Variants in SHCBP1L observed in about 807,000 individuals in gnomAD.
The protein encoded by SHCBP1L is testicular spindle-associated protein SHCBP1L.
Under a neutral mutation model 62.5 loss-of-function variants are expected in SHCBP1L, and 67 were observed. The observed-to-expected ratio is 1.07, with a 90% confidence interval of 0.88 to 1.31. The LOEUF is 1.31. Among genes scored for constraint, SHCBP1L ranks in the 40% most tolerant of loss-of-function variants. SHCBP1L has a pLI of 0.00. For synonymous variants in SHCBP1L, 284 were observed against 289.4 expected, an observed-to-expected ratio of 0.98 and a Z score of 0.19; for missense variants, 823 against 809.8, an observed-to-expected ratio of 1.02 and a Z score of -0.20.
In SHCBP1L at chr1:182,930,076, C is replaced by A. The variant is rs1185309771; in HGVS notation, c.1077-324G>T. On this transcript the variant is annotated intron_variant, in intron 5 of 9. Coordinates refer to ENST00000367547, the MANE Select transcript of SHCBP1L (RefSeq NM_030933.4). Reference sequence around the variant, plus strand: ...AATTTCCGGGGTGTACTTTCATAATCCATTGAGTTGTAGACTCACACAAAG... The same window carrying A: ...AATTTCCGGGGTGTACTTTCATAATACATTGAGTTGTAGACTCACACAAAG... 2.6e-5 allele frequency among the ~76,000 whole-genome samples: 4 copies of A among 152,260 alleles called. No individual in the cohort carries two copies. The East Asian group carries it at 7.7e-4, about 29-fold the overall frequency.
rs190842685 is a variant in SHCBP1L at position 182,938,643 on chromosome 1, G to A, written c.1076+533C>T. On this transcript the variant is annotated intron_variant, in intron 5 of 9. Transcript: ENST00000367547. ...ATTCCTAGCTAAATTTTAAAAATCT[G>A]TTTGTTTATTGTAGAGATGGGGCCT... is the stretch of plus-strand genomic sequence containing the variant. Among the ~76,000 whole-genome samples, 67 of 152,020 alleles carry A rather than the reference G, an allele frequency of 4.4e-4. No individual in the cohort carries two copies. The Middle Eastern group carries it at 0.01, about 23-fold the overall frequency.
intron 6 of SHCBP1L, among the ~76,000 whole-genome samples, chr1:182,925,176 T>C (rs532608079): frequency 6.6e-6 from 1 of 151,874 alleles, no homozygotes; most frequent in East Asian, 1.9e-4. Context: ...GCAATGACAG[T>C]GATCACGGAC....
At chr1:182,906,868 A>T (rs1240076073) in intron 6 of SHCBP1L, among the ~76,000 whole-genome samples, 1 of 149,184 alleles carries the variant, frequency 6.7e-6, no homozygotes, top group Non-Finnish European at 1.5e-5. Context: ...CCCAGGCTGG[A>T]GTGCAGTGGC....
chr1:182,924,003 AG>A lies in SHCBP1L; in HGVS notation c.1182+5643del, dbSNP rs373697927. Among the ~76,000 whole-genome samples, 42 of 152,292 alleles carry A rather than the reference AG, an allele frequency of 2.8e-4. No individual in the cohort carries two copies. In the South Asian group the frequency reaches 7.9e-3, roughly 29 times the overall value. ...GAAAACCTCATAGCCTCTACCCAAA[AG>A]CTTCTAGATCTGATAAACAACTTTA... On this transcript the variant is annotated intron_variant, in intron 6 of 9. Transcript: ENST00000367547.
intron 6 of SHCBP1L, among the ~76,000 whole-genome samples, chr1:182,907,239 C>G (rs1488464512): frequency 6.6e-6 from 1 of 151,552 alleles, no homozygotes; most frequent in South Asian, 2.1e-4. Context: ...TCGAGACCAG[C>G]CTGACCAACA....
chr1:182,938,916 C>T (rs1425742149), intron 5 of SHCBP1L, among the ~76,000 whole-genome samples: 2 of 151,882 alleles, frequency 1.3e-5, no homozygotes, highest in Non-Finnish European at 2.9e-5. Context: ...TATGCTTTGG[C>T]CAAAATCAAA....
chr1:182,924,675 AGAAAGGAAAG>A (rs140771329), intron 6 of SHCBP1L, among the ~76,000 whole-genome samples: 33 of 93,954 alleles, frequency 3.5e-4, no homozygotes, highest in African/African-American at 1.4e-3. Flanking sequence ...CAACTACAAA[AGAAAGGAAAG>A]GAAAGGAAAG....
At chr1:182,924,786 A>AAGAAAGAAAGAAAGAGAGAG (rs1557996865) in intron 6 of SHCBP1L, among the ~76,000 whole-genome samples, 2 of 92,974 alleles carry the variant, frequency 2.2e-5, no homozygotes, top group African/African-American at 9.7e-5. Flanking sequence ...GAAAGAAAGA[A>AAGAAAGAAAGAAAGAGAGAG]AGAGAGAAAG....
At chr1:182,952,194 ATATATATATATATAT>A (rs1651787049) in intron 1 of SHCBP1L, among the ~76,000 whole-genome samples, 1 of 14,128 alleles carries the variant, frequency 7.1e-5, no homozygotes, top group Non-Finnish European at 1.5e-4. Flanking sequence ...AAAAAAAAAT[ATATATATATATATAT>A]ATATATATAT....
intron 6 of SHCBP1L, among the ~76,000 whole-genome samples, chr1:182,909,981 G>A (rs1650129128): frequency 6.6e-6 from 1 of 152,164 alleles, no homozygotes; most frequent in Non-Finnish European, 1.5e-5. Context: ...TTCTCTGCAA[G>A]GTAAGAAACA....
intron 6 of SHCBP1L, among the ~76,000 whole-genome samples, chr1:182,928,453 G>C (rs1484205141): frequency 6.6e-6 from 1 of 152,076 alleles, no homozygotes; most frequent in African/African-American, 2.4e-5. Context: ...AAAAATACAA[G>C]GTACTATAAT....
intron 5 of SHCBP1L, among the ~76,000 whole-genome samples, chr1:182,935,411 G>T (rs879897885): frequency 4.6e-5 from 7 of 151,894 alleles, no homozygotes; most frequent in Non-Finnish European, 8.8e-5. Context: ...TCACATTTTT[G>T]GTTCTATTGT....
At chr1:182,929,849 G>A in intron 5 of SHCBP1L, 97 bp from the exon 6 acceptor site, 1 of 761,158 alleles carries the variant, frequency 1.3e-6, no homozygotes. Flanking sequence ...GCATCTTTGA[G>A]AAATGTTTTC....
At chr1:182,935,983 C>T (rs751474927) in intron 5 of SHCBP1L, among the ~76,000 whole-genome samples, 1 of 151,936 alleles carries the variant, frequency 6.6e-6, no homozygotes, top group African/African-American at 2.4e-5. Flanking sequence ...TTATTTAGAC[C>T]ATTTACATTT....
chr1:182,943,007 G>A (rs529554382), intron 2 of SHCBP1L, among the ~76,000 whole-genome samples: 6 of 152,274 alleles, frequency 3.9e-5, no homozygotes, highest in African/African-American at 1.4e-4. Context: ...AAAACTGGGT[G>A]TTTGAAGATA....
intron 5 of SHCBP1L, among the ~76,000 whole-genome samples, chr1:182,933,929 C>T (rs1040297011): frequency 1.3e-5 from 2 of 152,112 alleles, no homozygotes; most frequent in Non-Finnish European, 2.9e-5. Flanking sequence ...AAATGTGTGT[C>T]ACAATTCACC....
intron 2 of SHCBP1L, among the ~76,000 whole-genome samples, chr1:182,946,274 T>C (rs1571360278): frequency 6.6e-6 from 1 of 152,062 alleles, no homozygotes; most frequent in Non-Finnish European, 1.5e-5. Flanking sequence ...AATTTGACAA[T>C]TTGCTTTCTT....
At chr1:182,948,300 T>C (rs1651630297) in intron 2 of SHCBP1L, among the ~76,000 whole-genome samples, 1 of 152,238 alleles carries the variant, frequency 6.6e-6, no homozygotes, top group Admixed American at 6.5e-5. Flanking sequence ...AATCTGTGAA[T>C]ATGTTACCTT....
intron 6 of SHCBP1L, among the ~76,000 whole-genome samples, chr1:182,926,052 AG>A (rs1336137977): frequency 6.6e-6 from 1 of 152,156 alleles, no homozygotes; most frequent in Non-Finnish European, 1.5e-5. Flanking sequence ...GGTGGGGGAA[AG>A]GGGAAATGGA....
Sources: gnomAD v4.1 joint callset for allele counts (sites outside exome capture counted in the v4.1 genomes callset) on GRCh38, gnomAD v4.1.1 for gene constraint, MANE v1.5 for transcripts, NCBI Gene and HGNC (gene_info 2026-07-23, HGNC 2026-07-21) for gene names.